The following HSD17B4 variants were observed in gnomAD, a reference collection of about 807,000 sequenced individuals.
HSD17B4 encodes the protein peroxisomal multifunctional enzyme type 2.
In HSD17B4, 70 loss-of-function variants were observed where a neutral mutation model predicts 101.0. The observed-to-expected ratio is 0.69, with a 90% CI of 0.57 to 0.85. The LOEUF (loss-of-function observed/expected upper bound fraction) is 0.85. Among genes scored for constraint, HSD17B4 ranks in the 40% least tolerant of loss-of-function variants. The pLI is 0.00. For synonymous variants in HSD17B4, 347 were observed against 297.1 expected (o/e 1.17, Z -1.73); for missense variants, 984 against 892.4 (o/e 1.10, Z -1.31).
At chr5:119,477,792 G>C in intron 7 of HSD17B4, 1 of 370,352 alleles carries the variant, frequency 2.7e-6, no homozygotes, top group African/African-American at 2.1e-5. Context: ...TTTCATTCTT[G>C]TCCAGGCTGG....
rs2126934715 is a variant in HSD17B4, at chr5:119,541,946, G to A, written c.2163G>A (p.Met721Ile). ...SGRLKARGNI[M>I]LSQKLQMILK... ...GGCTGAAGGCCAGAGGGAACATCAT[G>A]CTGAGCCAGAAACTTCAGATGATTC... Residue 721 changes from methionine (M) to isoleucine (I), a missense_variant, in exon 24 of 24, where the codon ATG becomes ATA. Physicochemically the swap from Met to Ile is conservative, Grantham distance 10 (BLOSUM62 1). Coordinates refer to ENST00000510025, the MANE Select transcript of HSD17B4 (RefSeq NM_000414.4). 6.2e-7 allele frequency: 1 copy of A among 1,613,246 alleles called. No homozygotes were observed. Among genetic ancestry groups the A allele is most frequent in the Non-Finnish European group, 8.5e-7 (1 of 1,179,522 alleles).
At chr5:119,490,568 A>C (rs1750008308) in intron 9 of HSD17B4, among the ~76,000 whole-genome samples, 1 of 151,664 alleles carries the variant, frequency 6.6e-6, no homozygotes, top group African/African-American at 2.4e-5. Flanking sequence ...TTTATTTTTT[A>C]TTTTTATTTT....
intron 1 of HSD17B4, 97 bp downstream of exon 1, chr5:119,452,730 C>A: frequency 5.6e-6 from 9 of 1,603,054 alleles, no homozygotes; most frequent in Non-Finnish European, 7.6e-6. Context: ...CTGAGGTCAC[C>A]CCGCTGAGGT....
At chr5:119,528,569 G>A (rs1190640149) in intron 20 of HSD17B4, among the ~76,000 whole-genome samples, 1 of 151,970 alleles carries the variant, frequency 6.6e-6, no homozygotes, top group African/African-American at 2.4e-5. Flanking sequence ...ACATATTTTG[G>A]AGCCCTCACA....
chr5:119,478,872 A>G lies in HSD17B4; in HGVS notation c.473A>G (p.Asn158Ser). 1 of 1,613,690 alleles carries G rather than the reference A, an allele frequency of 6.2e-7. No individual in the cohort carries two copies. Among genetic ancestry groups the G allele is most frequent in the Non-Finnish European group, 8.5e-7 (1 of 1,179,686 alleles). ...TCATCAGCTTCAGGAATATATGGCA[A>G]CTTTGGCCAGGCCAATTATAGTGCT... ...MTSSASGIYG[N>S]FGQANYSAAK... The change falls in exon 8 of 24, where the codon AAC (asparagine) becomes AGC (serine). Residue 158 changes from asparagine (N) to serine (S), a missense_variant. Asn to Ser is a conservative substitution (Grantham distance 46). Transcript: ENST00000510025.
chr5:119,504,149 T>C (rs985732050), intron 14 of HSD17B4, among the ~76,000 whole-genome samples: 2 of 152,240 alleles, frequency 1.3e-5, no homozygotes, highest in Non-Finnish European at 2.9e-5. Flanking sequence ...CCATGGTATA[T>C]ATGTACCACA....
At chr5:119,524,517 G>A (rs1753399448) in intron 17 of HSD17B4, among the ~76,000 whole-genome samples, 1 of 152,122 alleles carries the variant, frequency 6.6e-6, no homozygotes, top group East Asian at 1.9e-4. Flanking sequence ...TAGCTGTTTG[G>A]TGAATTTCTT....
chr5:119,531,462 C>G, intron 22 of HSD17B4, 58 bp downstream of exon 22: 1 of 1,532,076 alleles, frequency 6.5e-7, no homozygotes, highest in Admixed American at 1.7e-5. Context: ...AATAAAGTAT[C>G]TTTTTAACAA....
intron 20 of HSD17B4, among the ~76,000 whole-genome samples, chr5:119,528,235 A>T (rs1255262125): frequency 6.6e-6 from 1 of 152,084 alleles, no homozygotes; most frequent in East Asian, 1.9e-4. Flanking sequence ...TGGGATAGAA[A>T]CCCGATCAGC....
At chr5:119,533,571 C>T (rs1754297745) in intron 22 of HSD17B4, among the ~76,000 whole-genome samples, 1 of 152,018 alleles carries the variant, frequency 6.6e-6, no homozygotes, top group South Asian at 2.1e-4. Flanking sequence ...ATGTTGACTG[C>T]ATTACTAGAA....
intron 11 of HSD17B4, among the ~76,000 whole-genome samples, chr5:119,494,791 G>C (rs531205587): frequency 6.6e-6 from 1 of 152,008 alleles, no homozygotes; most frequent in East Asian, 1.9e-4. Flanking sequence ...CTCATAGAAG[G>C]GACTTAATAA....
At chr5:119,511,617 G>C (rs773748647) in intron 16 of HSD17B4, among the ~76,000 whole-genome samples, 8 of 152,090 alleles carry the variant, frequency 5.3e-5, no homozygotes, top group Non-Finnish European at 1.2e-4. Flanking sequence ...GACAGTCAAA[G>C]AGAGCCTGCT....
At position 119,501,925 on chromosome 5, in the gene HSD17B4, T is replaced by G. The variant is rs1751202689; in HGVS notation, c.1210-116T>G. 1.6e-5 allele frequency: 11 copies of G among 698,788 alleles called. No homozygotes were observed. The South Asian group carries it at 1.7e-4, about 11-fold the overall frequency. The allele number at this position is 698,788 out of a possible 1,614,324, so 43.3% of individuals were successfully genotyped here. A position where few individuals can be genotyped will look rare whatever the true frequency, so the allele number is the denominator to read the frequency against. ...AGAAGCCAAACAGAGATAGATAACT[T>G]GGAGAGAAATGTGAGCCTGTGGATG... On this transcript the variant is annotated intron_variant, in intron 13 of 23. Coordinates refer to ENST00000510025, the MANE Select transcript of HSD17B4 (RefSeq NM_000414.4).
At chr5:119,467,953 A>G (rs1490922055) in intron 2 of HSD17B4, among the ~76,000 whole-genome samples, 1 of 152,190 alleles carries the variant, frequency 6.6e-6, no homozygotes, top group Non-Finnish European at 1.5e-5. Context: ...TCTTGTAGGT[A>G]GCATATAGTT....
At chr5:119,531,461 T>C in intron 22 of HSD17B4, 57 bp downstream of exon 22, 2 of 1,536,346 alleles carry the variant, frequency 1.3e-6, no homozygotes, top group South Asian at 2.2e-5. Flanking sequence ...AAATAAAGTA[T>C]CTTTTTAACA....
chr5:119,492,419 C>T (rs1011481314), intron 10 of HSD17B4: 2 of 352,104 alleles, frequency 5.7e-6, no homozygotes, highest in East Asian at 5.1e-5. Flanking sequence ...TGATAATCAT[C>T]CTCCCATGTC....
In HSD17B4 at chr5:119,456,489, T is replaced by C; in HGVS notation, c.112+121T>C. Reference sequence around the variant, plus strand: ...GTTGAATTTTATTATTAATTTTTACTTTTGCCAGAAGGTTTTTACCCCGAC... The same window carrying C: ...GTTGAATTTTATTATTAATTTTTACCTTTGCCAGAAGGTTTTTACCCCGAC... On this transcript the variant is annotated intron_variant, in intron 2 of 23. Coordinates refer to ENST00000510025, the MANE Select transcript of HSD17B4 (RefSeq NM_000414.4). 3.9e-6 allele frequency: 3 copies of C among 776,900 alleles called. No individual in the cohort carries two copies. In the South Asian group the frequency reaches 4.6e-5, roughly 12 times the overall value. The allele number at this position is 776,900 out of a possible 1,614,324, so 48.1% of individuals were successfully genotyped here.
rs80248925 is a variant in HSD17B4 at position 119,529,630 on chromosome 5, C to T, written c.1768-264C>T. On this transcript the variant is annotated intron_variant, in intron 20 of 23. Transcript: ENST00000510025. ...TACATTAGAATTTTGGGGGATGGGA[C>T]CTCATAGGGTTTCTTTGTTTGTTTG... 0.095 allele frequency among the ~76,000 whole-genome samples: 14,450 copies of T among 152,044 alleles called. 918 individuals are homozygous for T. Among genetic ancestry groups the T allele is most frequent in the South Asian group, 0.16 (763 of 4,812 alleles).
chr5:119,505,382 G>C (rs1751552215), intron 14 of HSD17B4, among the ~76,000 whole-genome samples: 1 of 152,058 alleles, frequency 6.6e-6, no homozygotes, highest in African/African-American at 2.4e-5. Flanking sequence ...CATGAGTATG[G>C]AATGTTTTTT....
Sources: gnomAD v4.1 joint callset for allele counts (sites outside exome capture counted in the v4.1 genomes callset) on GRCh38, gnomAD v4.1.1 for gene constraint, MANE v1.5 for transcripts, NCBI Gene and HGNC (gene_info 2026-07-23, HGNC 2026-07-21) for gene names.